The following GALNS variants were observed in gnomAD, a reference collection of about 807,000 sequenced individuals.
The protein encoded by GALNS is galactosamine (N-acetyl)-6-sulfatase.
Under a neutral mutation model 65.9 loss-of-function variants are expected in GALNS, and 65 were observed. That is an observed-to-expected ratio of 0.99 (90% CI 0.81 to 1.21). The LOEUF (loss-of-function observed/expected upper bound fraction) is 1.21. GALNS is among the 50% of genes most tolerant of loss of function. The pLI is 0.00. For missense variants in GALNS, 776 were observed against 700.7 expected (o/e 1.11, Z -1.21); for synonymous variants, 346 against 288.9 (o/e 1.20, Z -2.00).
At chr16:88,856,615 G>A in intron 1 of GALNS, 143 bp downstream of exon 1, 4 of 277,720 alleles carry the variant, frequency 1.4e-5, no homozygotes, top group Non-Finnish European at 2.9e-5. Flanking sequence ...CTCCCCGCGC[G>A]GGGCCTCCCC....
At chr16:88,837,078 T>C (rs956488207) in intron 5 of GALNS, among the ~76,000 whole-genome samples, 4 of 152,206 alleles carry the variant, frequency 2.6e-5, no homozygotes, top group Admixed American at 2.0e-4. Flanking sequence ...GAATGAGCAC[T>C]TCCGCCAAGA....
At chr16:88,855,857 C>A (rs1002000277) in intron 1 of GALNS, 1 of 504,690 alleles carries the variant, frequency 2.0e-6, no homozygotes, top group African/African-American at 1.9e-5. Context: ...AGCCAGCACA[C>A]AGGGGCTGAG....
chr16:88,821,086 C>A (rs12930424), intron 12 of GALNS, among the ~76,000 whole-genome samples: 59,958 of 151,762 alleles, frequency 0.4, 12,164 homozygotes, highest in East Asian at 0.61. Context: ...CCCCCGGGGG[C>A]GTCTGTCTCT....
intron 1 of GALNS, chr16:88,856,285 G>C: frequency 1.4e-6 from 1 of 703,012 alleles, no homozygotes; most frequent in South Asian, 1.5e-5. Context: ...GGCGGCCCGA[G>C]GTGGCGGGAG....
At chr16:88,817,902 A>C in intron 13 of GALNS, 105 bp downstream of exon 13, 1 of 962,568 alleles carries the variant, frequency 1.0e-6, no homozygotes, top group Non-Finnish European at 1.6e-6. Flanking sequence ...GGAGGCGGGG[A>C]AGCACGCCTG....
chr16:88,843,795 C>A (rs1306204514), intron 1 of GALNS: 1 of 156,008 alleles, frequency 6.4e-6, no homozygotes, highest in Non-Finnish European at 1.4e-5. Context: ...TCTCAGGAAA[C>A]TCACGCACGT....
chr16:88,816,857 C>A (rs1381624557), intron 13 of GALNS: 1 of 985,492 alleles, frequency 1.0e-6, no homozygotes, highest in Non-Finnish European at 1.2e-6. Flanking sequence ...GAGGGGCCTT[C>A]TTCCCGAATC....
intron 1 of GALNS, among the ~76,000 whole-genome samples, chr16:88,853,674 G>A (rs1328227844): frequency 6.6e-6 from 1 of 152,184 alleles, no homozygotes; most frequent in East Asian, 1.9e-4. Context: ...TGTCTCCAAG[G>A]CCCCAGAAGC....
chr16:88,834,417 CT>C (rs1911863547), intron 8 of GALNS, among the ~76,000 whole-genome samples: 1 of 94,778 alleles, frequency 1.1e-5, no homozygotes. Context: ...TGGGAAGAGG[CT>C]GCAGGGCCCC....
intron 13 of GALNS, chr16:88,815,452 C>T (rs913246740): frequency 3.0e-6 from 3 of 985,382 alleles, no homozygotes; most frequent in African/African-American, 3.5e-5. Flanking sequence ...GCGGAGCCCG[C>T]ACCCCTCCAT....
At chr16:88,850,038 G>A (rs79419752) in intron 1 of GALNS, among the ~76,000 whole-genome samples, 2,793 of 152,204 alleles carry the variant, frequency 0.018, 34 homozygotes, top group Non-Finnish European at 0.024. Flanking sequence ...GGCCACACAC[G>A]CCCAAAGCTC....
rs182454082 is a variant in GALNS at position 88,849,346 on chromosome 16, G to A, written c.121-6517C>T. 6.2e-4 allele frequency among the ~76,000 whole-genome samples: 94 copies of A among 152,204 alleles called. 2 individuals carry two copies. In the Middle Eastern group the frequency reaches 0.02, roughly 33 times the overall value. ...GTCACCCAGGTTGGAGTGCAGTGGC[G>A]TGGTCTTGGCTCACTGCAACCTCCG... On this transcript the variant is annotated intron_variant, in intron 1 of 13. Transcript: ENST00000268695.
chr16:88,829,408 C>A (rs1911260444), intron 9 of GALNS, among the ~76,000 whole-genome samples: 1 of 152,268 alleles, frequency 6.6e-6, no homozygotes, highest in Admixed American at 6.5e-5. Flanking sequence ...CGGTCACTCT[C>A]ACAGCCACTC....
chr16:88,833,373 G>A (rs1007173014), intron 8 of GALNS, among the ~76,000 whole-genome samples: 3 of 151,986 alleles, frequency 2.0e-5, no homozygotes, highest in Admixed American at 6.6e-5. Flanking sequence ...CCACTTCTAG[G>A]GGACACTCAG....
intron 1 of GALNS, among the ~76,000 whole-genome samples, chr16:88,848,267 G>T (rs1265885839): frequency 1.3e-5 from 2 of 152,132 alleles, no homozygotes; most frequent in Non-Finnish European, 2.9e-5. Flanking sequence ...GTGGCAGGAC[G>T]ACTCTGAGAA....
At chr16:88,816,829 C>G in intron 13 of GALNS, 1 of 985,482 alleles carries the variant, frequency 1.0e-6, no homozygotes, top group Non-Finnish European at 1.2e-6. Context: ...GGAGCCCAGG[C>G]TGAAGTCTGC....
At chr16:88,823,759 ACGGCCCTCG>A in intron 11 of GALNS, among the ~76,000 whole-genome samples, 2 of 135,694 alleles carry the variant, frequency 1.5e-5, no homozygotes, top group African/African-American at 5.7e-5. Flanking sequence ...GATGCCCAGG[ACGGCCCTCG>A]CAGGCGGCAA....
chr16:88,827,665 C>A (rs1055753361), intron 9 of GALNS, among the ~76,000 whole-genome samples: 5 of 152,208 alleles, frequency 3.3e-5, no homozygotes, highest in Non-Finnish European at 7.3e-5. Context: ...AGGCTGGTCT[C>A]GAACTCCCAA....
intron 4 of GALNS, chr16:88,838,556 A>T (rs528040798): frequency 1.3e-5 from 2 of 152,072 alleles, no homozygotes; most frequent in Admixed American, 1.3e-4. Flanking sequence ...TTGTGCTCCC[A>T]CCCTCTGGTG....
Sources: allele counts gnomAD v4.1 joint callset (sites outside exome capture counted in the v4.1 genomes callset), GRCh38; gene constraint gnomAD v4.1.1; transcripts MANE v1.5; gene names NCBI Gene and HGNC (gene_info 2026-07-23, HGNC 2026-07-21).